NCKAP5: variants seen among roughly 807,000 people sequenced by gnomAD.
The protein encoded by NCKAP5 is NCK associated protein 5.
NCKAP5 carries 92 observed loss-of-function variants against 167.0 expected under a neutral mutation model. That is an observed-to-expected ratio of 0.55 (90% CI 0.47 to 0.66). The LOEUF (loss-of-function observed/expected upper bound fraction) is 0.66. Among genes scored for constraint, NCKAP5 ranks in the 30% least tolerant of loss-of-function variants. The probability of loss-of-function intolerance (pLI) is 0.00; values close to 1 mark genes in which losing one functional copy is unlikely to be tolerated. For synonymous variants in NCKAP5, 891 were observed against 877.4 expected, an observed-to-expected ratio of 1.02 and a Z score of -0.27; for missense variants, 2,378 against 2,315.0, an observed-to-expected ratio of 1.03 and a Z score of -0.56.
At chr2:133,512,210 T>G (rs1229607165) in intron 3 of NCKAP5, among the ~76,000 whole-genome samples, 5 of 152,242 alleles carry the variant, frequency 3.3e-5, no homozygotes, top group Non-Finnish European at 4.4e-5. Context: ...TCTATGTCAA[T>G]ATTTTCTAAA....
At chr2:133,540,933 CAAAAAAAAA>C (rs10666328) in intron 2 of NCKAP5, among the ~76,000 whole-genome samples, 3 of 100,056 alleles carry the variant, frequency 3.0e-5, no homozygotes, top group Admixed American at 1.2e-4. Flanking sequence ...GACTCTGTCT[CAAAAAAAAA>C]AAAAAAAAAG....
chr2:133,609,966 A>C, the NCKAP5 span, among the ~76,000 whole-genome samples: 1 of 152,154 alleles, frequency 6.6e-6, no homozygotes, highest in Non-Finnish European at 1.5e-5. Flanking sequence ...GGTCAGGTTC[A>C]TTCTGAAGAA....
Position 133,447,571 on chromosome 2 carries a change from T to C in NCKAP5, c.69+69887A>G, listed in dbSNP as rs576683242. Among the ~76,000 whole-genome samples the C allele has an allele frequency of 2.9e-3, 374 of 127,340 alleles. 1 individual carries two copies. The highest frequency in any genetic ancestry group is 0.011 in the African/African-American group (361 of 34,048). The allele number at this position is 127,340 out of a possible 152,430, so 83.5% of individuals were successfully genotyped here. A position where few individuals can be genotyped will look rare whatever the true frequency, so the allele number is the denominator to read the frequency against. ...CCCTCCCCTTCCTTTCCCCCTCCCT[T>C]CTCTTCCTTTCCCCTTCCGTTCCCT... On this transcript the variant is annotated intron_variant, in intron 3 of 19. Transcript: ENST00000409261.
At chr2:133,070,290 T>A (rs1285675765) in intron 6 of NCKAP5, among the ~76,000 whole-genome samples, 1 of 151,968 alleles carries the variant, frequency 6.6e-6, no homozygotes, top group Non-Finnish European at 1.5e-5. Flanking sequence ...AAAGAGTAAA[T>A]TAAAAAATGG....
intron 6 of NCKAP5, among the ~76,000 whole-genome samples, chr2:133,029,957 C>T (rs2078828016): frequency 6.6e-6 from 1 of 152,064 alleles, no homozygotes; most frequent in Non-Finnish European, 1.5e-5. Context: ...TCCCTCAGGC[C>T]CTGGTAAGAT....
intron 5 of NCKAP5, among the ~76,000 whole-genome samples, chr2:133,183,963 A>AT (rs943190374): frequency 1.3e-5 from 2 of 151,772 alleles, no homozygotes; most frequent in Admixed American, 1.3e-4. Context: ...TTTTATTTTT[A>AT]TTTTTTTTCT....
At chr2:132,881,932 G>T (rs1181828363) in intron 8 of NCKAP5, among the ~76,000 whole-genome samples, 1 of 151,958 alleles carries the variant, frequency 6.6e-6, no homozygotes, top group Non-Finnish European at 1.5e-5. Flanking sequence ...GATTACCTTG[G>T]TTGCATATGG....
chr2:133,445,962 T>A (rs182061481), intron 3 of NCKAP5, among the ~76,000 whole-genome samples: 2 of 152,174 alleles, frequency 1.3e-5, no homozygotes, highest in Non-Finnish European at 2.9e-5. Context: ...CCACTGTGTG[T>A]GTGTTTGTGG....
intron 6 of NCKAP5, among the ~76,000 whole-genome samples, chr2:133,093,099 G>A (rs374459035): frequency 2.0e-5 from 3 of 152,112 alleles, no homozygotes; most frequent in African/African-American, 7.2e-5. Flanking sequence ...ATTACATGCT[G>A]CATACAAAAT....
At chr2:132,761,538 T>C (rs762198347) in intron 16 of NCKAP5, among the ~76,000 whole-genome samples, 7 of 152,238 alleles carry the variant, frequency 4.6e-5, no homozygotes, top group Non-Finnish European at 1.0e-4. Context: ...GCCATACCTT[T>C]AAGAAAATAC....
intron 3 of NCKAP5, among the ~76,000 whole-genome samples, chr2:133,398,734 G>A (rs114794338): frequency 6.6e-6 from 1 of 152,174 alleles, no homozygotes; most frequent in Non-Finnish European, 1.5e-5. Context: ...GACTTAAGGG[G>A]TGATTGGGAG....
At chr2:133,470,553 CT>C (rs1679136937) in intron 3 of NCKAP5, among the ~76,000 whole-genome samples, 1 of 152,238 alleles carries the variant, frequency 6.6e-6, no homozygotes, top group Admixed American at 6.5e-5. Context: ...TTCGAGCTTC[CT>C]GGCTGCTTTG....
intron 8 of NCKAP5, among the ~76,000 whole-genome samples, chr2:132,939,704 A>G (rs1239328141): frequency 6.6e-6 from 1 of 152,162 alleles, no homozygotes; most frequent in African/African-American, 2.4e-5. Flanking sequence ...ATTGTACTCA[A>G]TATTGTAGTT....
intron 3 of NCKAP5, among the ~76,000 whole-genome samples, chr2:133,438,002 T>C (rs1330298953): frequency 6.6e-6 from 1 of 152,244 alleles, no homozygotes; most frequent in African/African-American, 2.4e-5. Context: ...AAAATCACTG[T>C]TCCAGAATAT....
At chr2:132,676,559 A>G (rs1258539976) in intron 19 of NCKAP5, among the ~76,000 whole-genome samples, 5 of 152,002 alleles carry the variant, frequency 3.3e-5, no homozygotes, top group African/African-American at 1.2e-4. Flanking sequence ...CAGATCTCAG[A>G]TATTTTTAAA....
At chr2:133,281,043 A>C (rs2089917294) in intron 4 of NCKAP5, among the ~76,000 whole-genome samples, 1 of 152,228 alleles carries the variant, frequency 6.6e-6, no homozygotes, top group African/African-American at 2.4e-5. Flanking sequence ...CCATGTTATA[A>C]ATTCTAAGGA....
chr2:132,841,316 C>G (rs999339494), intron 11 of NCKAP5, among the ~76,000 whole-genome samples: 5 of 152,086 alleles, frequency 3.3e-5, no homozygotes, highest in Admixed American at 2.6e-4. Context: ...AAATAATTTG[C>G]TATTTCCATT....
At chr2:132,808,439 C>A (rs1685604303) in intron 11 of NCKAP5, among the ~76,000 whole-genome samples, 1 of 152,066 alleles carries the variant, frequency 6.6e-6, no homozygotes, top group African/African-American at 2.4e-5. Context: ...AATCTCACTG[C>A]TTGTTAATGG....
intron 5 of NCKAP5, among the ~76,000 whole-genome samples, chr2:133,145,498 A>G (rs1050598750): frequency 6.6e-6 from 1 of 152,108 alleles, no homozygotes; most frequent in Non-Finnish European, 1.5e-5. Context: ...CTCAGAACTT[A>G]AAGTAAAATA....
Sources: gnomAD v4.1 joint callset for allele counts (sites outside exome capture counted in the v4.1 genomes callset) on GRCh38, gnomAD v4.1.1 for gene constraint, MANE v1.5 for transcripts, NCBI Gene and HGNC (gene_info 2026-07-23, HGNC 2026-07-21) for gene names.